The following TUSC3 variants were observed in gnomAD, a reference collection of about 807,000 sequenced individuals.
The protein encoded by TUSC3 is tumor suppressor candidate 3.
A neutral mutation model predicts 44.8 loss-of-function variants in TUSC3; 45 were observed. That is an observed-to-expected ratio of 1.00 (90% confidence interval 0.79 to 1.29). TUSC3 has a LOEUF of 1.29. TUSC3 is among the 50% of genes most tolerant of loss of function. TUSC3 has a pLI of 0.00. For synonymous variants in TUSC3, 212 were observed against 152.9 expected, an observed-to-expected ratio of 1.39 and a Z score of -2.85; for missense variants, 519 against 437.9, an observed-to-expected ratio of 1.19 and a Z score of -1.65.
intron 1 of TUSC3, among the ~76,000 whole-genome samples, chr8:15,563,905 T>C (rs987619648): frequency 6.6e-6 from 1 of 152,088 alleles, no homozygotes; most frequent in African/African-American, 2.4e-5. Flanking sequence ...GGAAGATTGA[T>C]AGGCATTTTC....
At chr8:15,430,351 C>T (rs549608169) in intron 1 of TUSC3, among the ~76,000 whole-genome samples, 7 of 150,130 alleles carry the variant, frequency 4.7e-5, no homozygotes, top group Non-Finnish European at 8.9e-5. Context: ...CGTAATCCAG[C>T]GTATAAACAG....
intron 3 of TUSC3, among the ~76,000 whole-genome samples, chr8:15,658,637 T>TACACACAC (rs766936043): frequency 2.7e-5 from 3 of 112,202 alleles, no homozygotes; most frequent in East Asian, 2.7e-4. Flanking sequence ...TACACATATA[T>TACACACAC]ATACACACAC....
chr8:15,546,570 T>G (rs558161349), intron 1 of TUSC3, among the ~76,000 whole-genome samples: 3 of 151,788 alleles, frequency 2.0e-5, no homozygotes, highest in Admixed American at 1.3e-4. Flanking sequence ...AGTTTTGCTC[T>G]TGTTGCCCAG....
Position 15,555,139 on chromosome 8 carries a change from C to CTT in TUSC3, c.138+14593_138+14594dup, listed in dbSNP as rs60676527. Among the ~76,000 whole-genome samples, 260 of 93,550 alleles carry CTT rather than the reference C, an allele frequency of 2.8e-3. 5 individuals are homozygous for CTT. The highest frequency in any genetic ancestry group is 9.3e-3 in the African/African-American group (234 of 25,112). 61.4% of individuals were successfully genotyped at this position (93,550 alleles called of 152,430 possible). On this transcript the variant is annotated intron_variant, in intron 1 of 10. Coordinates refer to ENST00000503731, the MANE Select transcript of TUSC3 (RefSeq NM_006765.4). The stretch of plus-strand genomic sequence containing the variant: ...TAGGTGACAATATTATAATAGCAGT[C>CTT]TTTTTTTTTTTTTTTTTTTTTTTGG...
At chr8:15,490,229 A>G (rs1800789033) in intron 2 of TUSC3, among the ~76,000 whole-genome samples, 1 of 152,188 alleles carries the variant, frequency 6.6e-6, no homozygotes, top group South Asian at 2.1e-4. Flanking sequence ...CCATCTCTAG[A>G]CAGGAGAAAC....
At chr8:15,631,084 C>T (rs1243684862) in intron 2 of TUSC3, among the ~76,000 whole-genome samples, 1 of 152,120 alleles carries the variant, frequency 6.6e-6, no homozygotes, top group Non-Finnish European at 1.5e-5. Flanking sequence ...CAAGGTATTT[C>T]ACCTCTTTGC....
At chr8:15,627,041 C>G (rs1342191811) in intron 2 of TUSC3, among the ~76,000 whole-genome samples, 2 of 152,176 alleles carry the variant, frequency 1.3e-5, no homozygotes, top group Admixed American at 1.3e-4. Flanking sequence ...TTTTCCTACT[C>G]TCACCCATGC....
At chr8:15,800,887 A>C in the TUSC3 span, among the ~76,000 whole-genome samples, 1 of 152,186 alleles carries the variant, frequency 6.6e-6, no homozygotes, top group African/African-American at 2.4e-5. Flanking sequence ...GCTTGTTCTG[A>C]AAACTCCAAG....
At chr8:15,691,052 T>G (rs979791029) in intron 6 of TUSC3, among the ~76,000 whole-genome samples, 1 of 149,484 alleles carries the variant, frequency 6.7e-6, no homozygotes, top group Non-Finnish European at 1.5e-5. Flanking sequence ...ATGTCCTTGG[T>G]AGTTTGATAG....
downstream of TUSC3, among the ~76,000 whole-genome samples, chr8:15,766,886 T>G (rs975910870): frequency 6.6e-6 from 1 of 152,082 alleles, no homozygotes; most frequent in Non-Finnish European, 1.5e-5. Context: ...AACATTGTGT[T>G]TTAAAAAGGA....
intron 6 of TUSC3, among the ~76,000 whole-genome samples, chr8:15,719,495 T>TCACA (rs60355164): frequency 5.5e-5 from 8 of 145,334 alleles, no homozygotes; most frequent in Middle Eastern, 3.6e-3. Flanking sequence ...ATACAGTTCA[T>TCACA]CACACACACA....
chr8:15,768,102 G>C (rs1812377674), downstream of TUSC3, among the ~76,000 whole-genome samples: 1 of 152,148 alleles, frequency 6.6e-6, no homozygotes, highest in Non-Finnish European at 1.5e-5. Context: ...AGTGTTGAAA[G>C]AGTTCCCCAA....
chr8:15,458,251 C>A (rs375992998), intron 1 of TUSC3, among the ~76,000 whole-genome samples: 1 of 151,534 alleles, frequency 6.6e-6, no homozygotes, highest in African/African-American at 2.4e-5. Context: ...TCTTTTTTTT[C>A]TTTTTAAGAC....
rs753656243 is a variant in TUSC3, at chr8:15,546,781, C to T, written c.138+6213C>T. 3.3e-5 allele frequency among the ~76,000 whole-genome samples: 5 copies of T among 151,678 alleles called. 1 individual carries two copies. In the South Asian group the frequency reaches 6.3e-4, roughly 19 times the overall value. ...AACTCCCGACCTCAGGTGATCTGCC[C>T]GTCTCGGCCTCCCCAAAGTGCTGGG... On this transcript the variant is annotated intron_variant, in intron 1 of 10. Coordinates refer to ENST00000503731, the MANE Select transcript of TUSC3 (RefSeq NM_006765.4).
intron 6 of TUSC3, among the ~76,000 whole-genome samples, chr8:15,711,265 C>T (rs1036213943): frequency 2.0e-5 from 3 of 151,738 alleles, no homozygotes; most frequent in African/African-American, 7.2e-5. Flanking sequence ...AGGGTTCTCT[C>T]CCTTCTTTTG....
At chr8:15,621,121 C>T (rs1805226456) in intron 1 of TUSC3, among the ~76,000 whole-genome samples, 2 of 151,964 alleles carry the variant, frequency 1.3e-5, no homozygotes, top group Admixed American at 1.3e-4. Context: ...GCTTGATTTC[C>T]ACTCTTTCCA....
the TUSC3 span, among the ~76,000 whole-genome samples, chr8:15,781,029 C>G: frequency 6.6e-6 from 1 of 152,264 alleles, no homozygotes; most frequent in South Asian, 2.1e-4. Flanking sequence ...TAACTTGTAT[C>G]AGGTAGTTAA....
chr8:15,671,842 C>CT (rs966073564), intron 5 of TUSC3, among the ~76,000 whole-genome samples: 27 of 151,958 alleles, frequency 1.8e-4, no homozygotes, highest in Non-Finnish European at 2.9e-4. Flanking sequence ...ATAAATGATA[C>CT]TTTTTTTTAT....
At chr8:15,426,245 C>G (rs1439865235) in intron 1 of TUSC3, among the ~76,000 whole-genome samples, 2 of 152,136 alleles carry the variant, frequency 1.3e-5, no homozygotes, top group African/African-American at 4.8e-5. Flanking sequence ...TCTTGTTTCT[C>G]TGTGAAAAGA....
Sources: allele counts gnomAD v4.1 joint callset (sites outside exome capture counted in the v4.1 genomes callset), GRCh38; gene constraint gnomAD v4.1.1; transcripts MANE v1.5; gene names NCBI Gene and HGNC (gene_info 2026-07-23, HGNC 2026-07-21).